Variants in SFTPD observed in about 807,000 individuals in gnomAD.
The protein encoded by SFTPD is surfactant protein D.
SFTPD carries 18 observed loss-of-function variants against 34.6 expected under a neutral mutation model. The observed-to-expected ratio is 0.52, with a 90% CI of 0.36 to 0.77. The LOEUF (loss-of-function observed/expected upper bound fraction) is 0.77. Ranked by LOEUF, SFTPD falls within the 30% of genes least tolerant of loss-of-function variation. The pLI is 0.00. For missense variants in SFTPD, 433 were observed against 468.9 expected (o/e 0.92, Z 0.71); for synonymous variants, 155 against 180.9 (o/e 0.86, Z 1.15).
At chr10:79,949,580 G>A (rs985596047), upstream of SFTPD, among the ~76,000 whole-genome samples, 4 of 152,176 alleles carry the variant, frequency 2.6e-5, no homozygotes, top group Non-Finnish European at 5.9e-5. Flanking sequence ...GGGTGGGGCA[G>A]GTAGAGTGGC....
rs141355778 is a variant in SFTPD at position 79,955,002 on chromosome 10, C to T, written c.37-8340G>A. ...TTGATACACCACTTCCTTTCAACCC[C>T]CACATCCTCACCACCTGTTTCTTTG... On this transcript the variant is annotated intron_variant, in intron 1 of 5. Coordinates refer to the SFTPD transcript ENST00000444384. Among the ~76,000 whole-genome samples the T allele has an allele frequency of 4.4e-3, 675 of 152,300 alleles. 8 individuals carry two copies. The highest frequency in any genetic ancestry group is 0.015 in the African/African-American group (641 of 41,558).
intron 1 of SFTPD, chr10:79,982,151 CG>C (rs1842894805): frequency 5.3e-6 from 2 of 378,124 alleles, no homozygotes; most frequent in Non-Finnish European, 9.0e-6. Flanking sequence ...GCGCGCCTGG[CG>C]GGGCAGGGCG....
chr10:79,938,209 G>A lies in SFTPD; in HGVS notation c.771C>T (p.Gly257=). The change falls in exon 8 of 8, where the codon GGC becomes GGT. Residue 257 remains glycine (G), a synonymous_variant. Coordinates refer to ENST00000372292, the MANE Select transcript of SFTPD (RefSeq NM_003019.5). ...QYKKVELFPN[G]QSVGEKIFKT... The stretch of plus-strand genomic sequence containing the variant: ...TGAAAATCTTCTCCCCGACACTTTG[G>A]CCATTTGGGAAGAGCTCAACTAGGA... The A allele has an allele frequency of 6.3e-7, 1 of 1,595,998 alleles. No individual in the cohort carries two copies. The highest frequency in any genetic ancestry group is 8.6e-7 in the Non-Finnish European group (1 of 1,165,632).
rs1037727609 is a variant in SFTPD at position 79,949,051 on chromosome 10, A to AACAGAGACACTT, written c.-4+3_-4+14dup. 1.3e-5 allele frequency: 2 copies of AACAGAGACACTT among 152,200 alleles called. No individual in the cohort carries two copies. The highest frequency in any genetic ancestry group is 1.3e-4 in the Admixed American group (2 of 15,282). 9.4% of individuals were successfully genotyped at this position (152,200 alleles called of 1,614,324 possible). A position where few individuals can be genotyped will look rare whatever the true frequency, so the allele number is the denominator to read the frequency against. The stretch of plus-strand genomic sequence containing the variant: ...GTGGAGAAAATAAAAAGAAGGCAAG[A>AACAGAGACACTT]ACAGAGACACTTACAGGTTTCTTTT... On this transcript the variant is annotated intron_variant, in intron 1 of 7. Transcript: ENST00000372292.
chr10:79,942,509 G>A lies in SFTPD; in HGVS notation c.317-5C>T, dbSNP rs1463099263. On this transcript the variant is annotated splice_region_variant and splice_polypyrimidine_tract_variant and intron_variant, in intron 3 of 7. Coordinates refer to ENST00000372292, the MANE Select transcript of SFTPD (RefSeq NM_003019.5). Reference sequence around the variant, plus strand: ...CACCGGGAGGTCCTGGAGGTCCTGAGCAAAAGCACCAGCCCGGTCAGTAAC... The same window carrying A: ...CACCGGGAGGTCCTGGAGGTCCTGAACAAAAGCACCAGCCCGGTCAGTAAC... 3 of 1,583,346 alleles carry A rather than the reference G, an allele frequency of 1.9e-6. No individual in the cohort carries two copies. In the East Asian group the frequency reaches 6.7e-5, roughly 35 times the overall value.
At chr10:79,981,066 A>G (rs967113959) in intron 1 of SFTPD, among the ~76,000 whole-genome samples, 3 of 152,224 alleles carry the variant, frequency 2.0e-5, no homozygotes, top group Non-Finnish European at 4.4e-5. Flanking sequence ...AGAAATCTCA[A>G]TGAAATCCAA....
chr10:79,974,566 T>C (rs1273284715), intron 1 of SFTPD, among the ~76,000 whole-genome samples: 14 of 152,204 alleles, frequency 9.2e-5, no homozygotes, highest in Admixed American at 7.9e-4. Flanking sequence ...AAATCTGATA[T>C]TGGCCAATTT....
chr10:79,965,321 C>T (rs1019062366), intron 1 of SFTPD, among the ~76,000 whole-genome samples: 1 of 152,074 alleles, frequency 6.6e-6, no homozygotes, highest in Admixed American at 6.6e-5. Flanking sequence ...TCCAGGCCAT[C>T]ACCAATCATT....
intron 1 of SFTPD, among the ~76,000 whole-genome samples, chr10:79,948,263 T>A (rs1423487371): frequency 6.6e-6 from 1 of 152,138 alleles, no homozygotes; most frequent in Non-Finnish European, 1.5e-5. Flanking sequence ...GCCCCGCAGC[T>A]CCCTCACCCC....
At chr10:79,980,289 G>T (rs1842883610) in intron 1 of SFTPD, among the ~76,000 whole-genome samples, 1 of 152,114 alleles carries the variant, frequency 6.6e-6, no homozygotes, top group Non-Finnish European at 1.5e-5. Context: ...TACCAGCTCA[G>T]TCTCGGTAAA....
In SFTPD at chr10:79,942,384, C is replaced by G; in HGVS notation, c.433+4G>C. 2 of 1,597,430 alleles carry G rather than the reference C, an allele frequency of 1.3e-6. No individual in the cohort carries two copies. The highest frequency in any genetic ancestry group is 1.7e-6 in the Non-Finnish European group (2 of 1,165,188). ...CTCAGACTGGCCACAGACCAGCCAC[C>G]TACCTTTGGGCCCAGCTTCTCCTTT... is the stretch of plus-strand genomic sequence containing the variant. On this transcript the variant is annotated splice_donor_region_variant and intron_variant, in intron 4 of 7. Transcript: ENST00000372292.
intron 1 of SFTPD, among the ~76,000 whole-genome samples, chr10:79,954,465 A>G (rs1842728191): frequency 6.6e-6 from 1 of 152,152 alleles, no homozygotes; most frequent in Non-Finnish European, 1.5e-5. Flanking sequence ...GAGCAGGCCT[A>G]TTGCCATTGT....
chr10:79,958,992 A>G (rs957898859), intron 1 of SFTPD, among the ~76,000 whole-genome samples: 5 of 152,322 alleles, frequency 3.3e-5, no homozygotes, highest in African/African-American at 9.6e-5. Context: ...TAAGAAACTC[A>G]CTCAAAACTG....
chr10:79,982,350 C>A, intron 1 of SFTPD: 1 of 994,038 alleles, frequency 1.0e-6, no homozygotes. Flanking sequence ...GCTGCGAAGG[C>A]CCTGGCAGCC....
At chr10:79,952,598 G>C (rs1385297880), upstream of SFTPD, among the ~76,000 whole-genome samples, 1 of 152,146 alleles carries the variant, frequency 6.6e-6, no homozygotes, top group Non-Finnish European at 1.5e-5. Context: ...TCTCCTAAGA[G>C]CTAGACTTCT....
In SFTPD at chr10:79,941,509, C is replaced by G; in HGVS notation, c.556G>C (p.Ala186Pro). 6.2e-7 allele frequency: 1 copy of G among 1,600,390 alleles called. No homozygotes were observed. The highest frequency in any genetic ancestry group is 8.5e-7 in the Non-Finnish European group (1 of 1,174,868). ...VPGNTGAAGS[A>P]GAMGPQGSPG... ...CTTCCCTGGGGACCCATGGCTCCAG[C>G]AGACCCTGGGGTAAAAGAAGAACTG... The change falls in exon 6 of 8, where the codon GCT becomes CCT. Residue 186 changes from alanine to proline, a missense_variant. Coordinates refer to ENST00000372292, the MANE Select transcript of SFTPD (RefSeq NM_003019.5).
intron 2 of SFTPD, among the ~76,000 whole-genome samples, chr10:79,944,802 G>A (rs990402872): frequency 6.6e-6 from 1 of 151,914 alleles, no homozygotes; most frequent in Non-Finnish European, 1.5e-5. Context: ...ATACGTCGGG[G>A]ATGTCACCAG....
At chr10:79,971,110 T>C (rs2132521920) in intron 1 of SFTPD, 1 of 152,336 alleles carries the variant, frequency 6.6e-6, no homozygotes, top group East Asian at 1.9e-4. Context: ...TTTTTCTGTG[T>C]CTATTGAGAC....
chr10:79,982,036 T>C, intron 1 of SFTPD: 1 of 302,256 alleles, frequency 3.3e-6, no homozygotes, highest in Non-Finnish European at 6.1e-6. Flanking sequence ...CGACTTCCCC[T>C]GGGGCGGCGG....
Sources: gnomAD v4.1 joint callset for allele counts (sites outside exome capture counted in the v4.1 genomes callset) on GRCh38, gnomAD v4.1.1 for gene constraint, MANE v1.5 for transcripts, NCBI Gene and HGNC (gene_info 2026-07-23, HGNC 2026-07-21) for gene names.